PAICS: variants seen among roughly 807,000 people sequenced by gnomAD.
PAICS encodes phosphoribosylaminoimidazole carboxylase and phosphoribosylaminoimidazolesuccinocarboxamide synthase.
Under a neutral mutation model 53.7 loss-of-function variants are expected in PAICS, and 33 were observed. The ratio of observed to expected loss-of-function variants is 0.61; its 90% CI spans 0.47 to 0.82. The LOEUF (loss-of-function observed/expected upper bound fraction) is 0.82. PAICS is among the 40% of genes least tolerant of loss of function. PAICS has a pLI of 0.00. For synonymous variants in PAICS, 141 were observed against 167.2 expected, an observed-to-expected ratio of 0.84 and a Z score of 1.21; for missense variants, 394 against 494.1, an observed-to-expected ratio of 0.80 and a Z score of 1.92.
At chr4:56,417,583 C>T in the PAICS span, among the ~76,000 whole-genome samples, 2 of 152,110 alleles carry the variant, frequency 1.3e-5, no homozygotes. Flanking sequence ...GAGTTCGAGA[C>T]TAGCCTGGGC....
At chr4:56,436,592 C>T in intron 1 of PAICS, 1 of 693,606 alleles carries the variant, frequency 1.4e-6, no homozygotes, top group South Asian at 1.5e-5. Flanking sequence ...TAATCAATAG[C>T]TATTGCAAAA....
At chr4:56,449,589 C>CA (rs1035142618) in intron 5 of PAICS, among the ~76,000 whole-genome samples, 8 of 151,980 alleles carry the variant, frequency 5.3e-5, no homozygotes, top group African/African-American at 1.9e-4. Context: ...TTTACAATAG[C>CA]AAAGACATGG....
intron 5 of PAICS, 150 bp downstream of exon 5, chr4:56,448,973 G>C: frequency 1.7e-6 from 1 of 595,988 alleles, no homozygotes; most frequent in South Asian, 2.2e-5. Flanking sequence ...AAATGTCTCT[G>C]GTATCCTAAT....
chr4:56,453,611 A>C lies in PAICS; in HGVS notation c.961A>C (p.Ile321Leu). 1.9e-6 allele frequency: 3 copies of C among 1,591,660 alleles called. No homozygotes were observed. Among genetic ancestry groups the C allele is most frequent in the Non-Finnish European group, 2.6e-6 (3 of 1,167,130 alleles). The change falls in exon 8 of 9, where the codon ATT (isoleucine) becomes CTT (leucine). Residue 321 changes from isoleucine (I) to leucine (L), a missense_variant. By Grantham distance (5) the Ile-to-Leu change is conservative. This residue lies in a region of PAICS where 131 missense variants were observed against 205.5 expected (regional missense o/e 0.64). Coordinates refer to ENST00000512576, the MANE Select transcript of PAICS (RefSeq NM_001079524.2). ...RIKAEYEGDG[I>L]PTVFVAVAGR... ...TCTTGTCATTTCCCTAGGGGATGGCATTCCTACTGTATTTGTGGCAGTGGC... is the reference window on the plus strand; with the variant it reads ...TCTTGTCATTTCCCTAGGGGATGGCCTTCCTACTGTATTTGTGGCAGTGGC...
upstream of PAICS, chr4:56,435,722 G>T (rs1164213483): frequency 1.6e-5 from 23 of 1,469,514 alleles, no homozygotes; most frequent in Admixed American, 2.2e-5. Flanking sequence ...CGGCTGAGGG[G>T]CGGGGTCACG....
At chr4:56,439,913 C>G (rs1422681444) in intron 1 of PAICS, among the ~76,000 whole-genome samples, 1 of 152,236 alleles carries the variant, frequency 6.6e-6, no homozygotes, top group Non-Finnish European at 1.5e-5. Context: ...ATGTGAGCCA[C>G]TGCACCTGGC....
chr4:56,441,221 T>C (rs911538911), intron 1 of PAICS, among the ~76,000 whole-genome samples: 18 of 152,206 alleles, frequency 1.2e-4, no homozygotes, highest in African/African-American at 4.3e-4. Flanking sequence ...CAAGATAGTT[T>C]AGATACTATA....
At chr4:56,458,776 AC>A (rs1387235330) in intron 8 of PAICS, among the ~76,000 whole-genome samples, 3 of 152,136 alleles carry the variant, frequency 2.0e-5, no homozygotes, top group African/African-American at 7.2e-5. Flanking sequence ...TAATAGTACC[AC>A]CTCAAGACAC....
rs760596362 is a variant in PAICS, at chr4:56,441,830, A to T, written c.184A>T (p.Ser62Cys). ...AGCTGCAATCTCAAATAAAATCACC[A>T]GTTGTATTTTTCAGTTATTACAGGA... The part of the protein sequence containing the change: ...GKAAISNKIT[S>C]CIFQLLQEAG... Residue 62 changes from serine (S) to cysteine (C), a missense_variant, in exon 2 of 9, where the codon AGT (serine) becomes TGT (cysteine). Ser to Cys is a moderately radical substitution (Grantham distance 112). Around this residue, in one of 3 missense-constraint regions of PAICS, gnomAD observed 168 missense variants for 199.3 expected, o/e 0.84. Coordinates refer to ENST00000512576, the MANE Select transcript of PAICS (RefSeq NM_001079524.2). 1.3e-6 allele frequency: 2 copies of T among 1,598,088 alleles called. No individual in the cohort carries two copies. The highest frequency in any genetic ancestry group is 1.3e-5 in the African/African-American group (1 of 74,734).
At chr4:56,436,492 C>CTTTA (rs1717973273) in intron 1 of PAICS, 164 bp downstream of exon 1, 3 of 722,158 alleles carry the variant, frequency 4.2e-6, no homozygotes, top group Non-Finnish European at 5.1e-6. Flanking sequence ...CCTCCCCGAA[C>CTTTA]TTTACTGCCT....
the PAICS span, chr4:56,410,874 G>T: frequency 1.6e-6 from 1 of 644,362 alleles, no homozygotes; most frequent in African/African-American, 2.7e-5. Flanking sequence ...CTCAGCCCAA[G>T]TACAGCCCCA....
At chr4:56,456,434 G>C (rs1217142598) in intron 8 of PAICS, among the ~76,000 whole-genome samples, 1 of 152,058 alleles carries the variant, frequency 6.6e-6, no homozygotes, top group African/African-American at 2.4e-5. Flanking sequence ...TTGACACAGG[G>C]TCTTGCTCTG....
intron 7 of PAICS, among the ~76,000 whole-genome samples, chr4:56,452,754 CAGAT>C (rs1718982190): frequency 6.6e-6 from 1 of 151,928 alleles, no homozygotes. Context: ...GGGAGGCAGT[CAGAT>C]AGGAAATTAA....
At chr4:56,411,322 A>G in the PAICS span, among the ~76,000 whole-genome samples, 11 of 152,224 alleles carry the variant, frequency 7.2e-5, no homozygotes, top group Non-Finnish European at 2.9e-5. Context: ...CCTTTATTTA[A>G]TTTGCGTTTT....
chr4:56,425,853 GA>G, the PAICS span, among the ~76,000 whole-genome samples: 1 of 152,182 alleles, frequency 6.6e-6, no homozygotes, highest in Non-Finnish European at 1.5e-5. Flanking sequence ...CTTAGAGGAA[GA>G]TTTGGAAGCT....
At position 56,460,236 on chromosome 4, in the gene PAICS, T is replaced by G. The variant is rs1277710839; in HGVS notation, c.*698T>G. On this transcript the variant is annotated 3_prime_UTR_variant, in exon 9 of 9. Coordinates refer to ENST00000512576, the MANE Select transcript of PAICS (RefSeq NM_001079524.2). ...TTCTCCCTGTCTGTCCCATGGGCAC[T>G]CATGAAAAAACAGAATGCTCCCAAC... 3 of 152,128 alleles carry G rather than the reference T, an allele frequency of 2.0e-5. No individual in the cohort carries two copies. Among genetic ancestry groups the G allele is most frequent in the African/African-American group, 7.2e-5 (3 of 41,426 alleles). 9.4% of individuals were successfully genotyped at this position (152,128 alleles called of 1,614,324 possible). A position where few individuals can be genotyped will look rare whatever the true frequency, so the allele number is the denominator to read the frequency against.
At chr4:56,457,664 T>TG (rs956440867) in intron 8 of PAICS, among the ~76,000 whole-genome samples, 1 of 94,828 alleles carries the variant, frequency 1.1e-5, no homozygotes, top group Non-Finnish European at 2.3e-5. Context: ...AGAATTAAGT[T>TG]TTTTTTTTTT....
At chr4:56,446,578 C>G (rs1718630903) in intron 2 of PAICS, 117 bp from the exon 3 acceptor site, 2 of 660,598 alleles carry the variant, frequency 3.0e-6, no homozygotes, top group African/African-American at 1.8e-5. Context: ...AAAAATTACA[C>G]TTATTTTTGA....
intron 5 of PAICS, 35 bp from the exon 6 acceptor site, chr4:56,450,584 T>G (rs1718854081): frequency 8.9e-7 from 1 of 1,119,376 alleles, no homozygotes; most frequent in African/African-American, 1.6e-5. Flanking sequence ...TAGCAAGAGA[T>G]ACTTGTTTTC....
Sources: gnomAD v4.1 joint callset for allele counts (sites outside exome capture counted in the v4.1 genomes callset) on GRCh38, gnomAD v4.1.1 for gene constraint, gnomAD v4.1.1 regional missense constraint, MANE v1.5 for transcripts, NCBI Gene and HGNC (gene_info 2026-07-23, HGNC 2026-07-21) for gene names.